Variants in SLTM observed in about 807,000 individuals in gnomAD.
The protein encoded by SLTM is SAFB-like transcription modulator.
Under a neutral mutation model 134.6 loss-of-function variants are expected in SLTM, and 43 were observed. The observed-to-expected ratio is 0.32, with a 90% CI of 0.25 to 0.41. The LOEUF (loss-of-function observed/expected upper bound fraction) is 0.41, where lower values mean the gene tolerates loss of function less well. Ranked by LOEUF, SLTM falls within the 10% of genes least tolerant of loss-of-function variation. The pLI is 1.00. For missense variants in SLTM, 1,055 were observed against 1,288.8 expected (o/e 0.82, Z 2.78); for synonymous variants, 424 against 432.3 (o/e 0.98, Z 0.24).
chr15:58,932,565 T>A lies in SLTM; in HGVS notation c.163-122A>T, dbSNP rs530729136. The A allele has an allele frequency of 1.9e-4, 115 of 621,236 alleles. No individual in the cohort carries two copies. The Middle Eastern group carries it at 3.9e-3, about 21-fold the overall frequency. The allele number at this position is 621,236 out of a possible 1,614,324, so 38.5% of individuals were successfully genotyped here. A position where few individuals can be genotyped will look rare whatever the true frequency, so the allele number is the denominator to read the frequency against. On this transcript the variant is annotated intron_variant, in intron 1 of 20. Transcript: ENST00000380516. The stretch of plus-strand genomic sequence containing the variant: ...GACATTAGAATTGCCAGTCATTTCA[T>A]CAACCGACTTCAAAAATGAGCAATT...
intron 2 of SLTM, among the ~76,000 whole-genome samples, chr15:58,923,666 C>A (rs936654598): frequency 6.6e-6 from 1 of 152,124 alleles, no homozygotes; most frequent in Non-Finnish European, 1.5e-5. Flanking sequence ...TATTAAAGCT[C>A]CTACAGCAAA....
intron 19 of SLTM, among the ~76,000 whole-genome samples, chr15:58,886,297 G>A (rs2140949719): frequency 6.8e-6 from 1 of 147,350 alleles, no homozygotes; most frequent in Non-Finnish European, 1.5e-5. Flanking sequence ...GACAGGGTCT[G>A]GCTCTGTAGC....
intron 2 of SLTM, among the ~76,000 whole-genome samples, chr15:58,922,725 T>A (rs1044664352): frequency 6.7e-6 from 1 of 150,242 alleles, no homozygotes; most frequent in Admixed American, 6.7e-5. Context: ...TTTTTCTTTT[T>A]TTTTTGAGAT....
intron 5 of SLTM, among the ~76,000 whole-genome samples, chr15:58,904,533 G>A (rs1321194787): frequency 1.3e-5 from 2 of 150,332 alleles, no homozygotes; most frequent in African/African-American, 4.9e-5. Flanking sequence ...CCATTATACT[G>A]TGCTCTAAGA....
chr15:58,905,953 T>C (rs1031298119), intron 5 of SLTM, among the ~76,000 whole-genome samples: 4 of 152,220 alleles, frequency 2.6e-5, no homozygotes, highest in African/African-American at 9.7e-5. Context: ...TGACCCAGCT[T>C]CTAGAAAACA....
At position 58,904,053 on chromosome 15, in the gene SLTM, A is replaced by G. The variant is rs532728792; in HGVS notation, c.562-2766T>C. The stretch of plus-strand genomic sequence containing the variant: ...GGTCTCACTCTGTTACCCAGGCTGA[A>G]GTGCAGTGGTGTGATCTCAGCTCAC... On this transcript the variant is annotated intron_variant, in intron 5 of 20. Transcript: ENST00000380516. Among the ~76,000 whole-genome samples, 6 of 152,264 alleles carry G rather than the reference A, an allele frequency of 3.9e-5. No homozygotes were observed. The South Asian group carries it at 1.2e-3, about 32-fold the overall frequency.
intron 9 of SLTM, 99 bp downstream of exon 9, chr15:58,897,016 C>A (rs1375615405): frequency 2.2e-5 from 16 of 741,684 alleles, no homozygotes; most frequent in Non-Finnish European, 3.8e-5. Flanking sequence ...CTAAGAGATA[C>A]AATAAATTAG....
chr15:58,883,113 G>A (rs564458043), intron 20 of SLTM, among the ~76,000 whole-genome samples: 55 of 152,258 alleles, frequency 3.6e-4, no homozygotes, highest in African/African-American at 1.2e-3. Context: ...TCAGGAGTTC[G>A]AGACCTGCCT....
chr15:58,921,216 C>T (rs1393507616), intron 2 of SLTM, among the ~76,000 whole-genome samples: 1 of 152,138 alleles, frequency 6.6e-6, no homozygotes, highest in African/African-American at 2.4e-5. Context: ...CTCACAACTC[C>T]TCTGAAACAA....
chr15:58,883,361 A>AT, intron 20 of SLTM: 1 of 367,018 alleles, frequency 2.7e-6, no homozygotes, highest in Non-Finnish European at 5.1e-6. Context: ...TGTTTACTGG[A>AT]TCCTGCCATA....
intron 3 of SLTM, 23 bp from the exon 4 acceptor site, chr15:58,913,719 G>T: frequency 3.7e-6 from 6 of 1,606,718 alleles, no homozygotes; most frequent in Non-Finnish European, 5.1e-6. Flanking sequence ...AGAAAATTTG[G>T]TACAACTAGA....
chr15:58,896,031 T>A (rs1338432643), intron 9 of SLTM, among the ~76,000 whole-genome samples: 1 of 152,202 alleles, frequency 6.6e-6, no homozygotes, highest in Admixed American at 6.5e-5. Context: ...AACTATTTGA[T>A]GTATATGAAA....
intron 2 of SLTM, 135 bp from the exon 3 acceptor site, chr15:58,917,134 C>T (rs2036705331): frequency 1.3e-6 from 1 of 765,156 alleles, no homozygotes; most frequent in South Asian, 1.6e-5. Flanking sequence ...GCTTCTAAAC[C>T]ACCTGCTCAG....
chr15:58,894,168 T>A lies in SLTM; in HGVS notation c.1403A>T (p.Glu468Val). ...CTTTTCATCATTTTCTTTCTTCATT[T>A]CTTTCTTAGAGGGATCACCTTTTAC... ...EKVKGDPSKKEMKKENDEKSS... is the reference protein window; with the variant it reads ...EKVKGDPSKKVMKKENDEKSS... The change falls in exon 11 of 21, where the codon GAA (glutamate) becomes GTA (valine). Residue 468 changes from glutamate (E) to valine (V), a missense_variant. Physicochemically the swap from Glu to Val is moderately radical, Grantham distance 121. This residue lies in a region of SLTM where 776 missense variants were observed against 962.2 expected (regional missense o/e 0.81). Transcript: ENST00000380516. The A allele has an allele frequency of 6.2e-7, 1 of 1,611,442 alleles. No individual in the cohort carries two copies. The highest frequency in any genetic ancestry group is 8.5e-7 in the Non-Finnish European group (1 of 1,178,608).
chr15:58,894,709 T>C, intron 9 of SLTM, 127 bp from the exon 10 acceptor site: 3 of 891,632 alleles, frequency 3.4e-6, no homozygotes, highest in Non-Finnish European at 4.9e-6. Context: ...TCTCATGTTT[T>C]TTTTTTTTTT....
chr15:58,889,371 T>C, intron 16 of SLTM, 59 bp downstream of exon 16: 1 of 1,600,162 alleles, frequency 6.2e-7, no homozygotes. Flanking sequence ...TTCTCTAGTC[T>C]TAGCCTAAAG....
chr15:58,887,368 G>A lies in SLTM; in HGVS notation c.2548C>T (p.Arg850Ter). Residue 850 changes from arginine (R) to a stop codon, truncating the protein, a stop_gained, in exon 18 of 21, where the codon CGA becomes TGA. Transcript: ENST00000380516. LOFTEE classifies it high-confidence loss of function. ...ATAATCACCGTTCTCCTTTCGTCTCGCTCCCCTCGTACTTCTCGCCTGTCT... is the reference window on the plus strand; with the variant it reads ...ATAATCACCGTTCTCCTTTCGTCTCACTCCCCTCGTACTTCTCGCCTGTCT... Reference protein sequence around the residue: ...ESDRREVRGERDERRTVIIHD... With the variant: ...ESDRREVRGE 1 of 1,613,722 alleles carries A rather than the reference G, an allele frequency of 6.2e-7. No homozygotes were observed. The highest frequency in any genetic ancestry group is 8.5e-7 in the Non-Finnish European group (1 of 1,179,940).
intron 18 of SLTM, 28 bp from the exon 19 acceptor site, chr15:58,887,147 T>C (rs748776996): frequency 1.2e-6 from 2 of 1,613,514 alleles, no homozygotes; most frequent in South Asian, 1.1e-5. Context: ...AAAACATACA[T>C]GATCAAAACT....
rs1201769360 is a variant in SLTM, at chr15:58,933,337, A to G, written c.162+67T>C. 4 of 1,476,554 alleles carry G rather than the reference A, an allele frequency of 2.7e-6. No individual in the cohort carries two copies. The Admixed American group carries it at 6.9e-5, about 25-fold the overall frequency. The allele number at this position is 1,476,554 out of a possible 1,614,324, so 91.5% of individuals were successfully genotyped here. On this transcript the variant is annotated intron_variant, in intron 1 of 20. Coordinates refer to ENST00000380516, the MANE Select transcript of SLTM (RefSeq NM_024755.4). Reference sequence around the variant, plus strand: ...TGCGGGCAGCCGGAGGCTGCGGCGGAAGCGGGGCGCCGAGGCGCGGCCTAA... The same window carrying G: ...TGCGGGCAGCCGGAGGCTGCGGCGGGAGCGGGGCGCCGAGGCGCGGCCTAA...
Sources: allele counts gnomAD v4.1 joint callset (sites outside exome capture counted in the v4.1 genomes callset), GRCh38; gene constraint gnomAD v4.1.1; regional missense constraint gnomAD v4.1.1; transcripts MANE v1.5; gene names NCBI Gene and HGNC (gene_info 2026-07-23, HGNC 2026-07-21).